KAZN: variants seen among roughly 807,000 people sequenced by gnomAD.
KAZN encodes the protein kazrin, periplakin interacting protein, also known as kazrin.
A neutral mutation model predicts 87.4 loss-of-function variants in KAZN; 40 were observed. The ratio of observed to expected loss-of-function variants is 0.46; its 90% CI spans 0.36 to 0.60. The LOEUF is 0.60. KAZN is among the 20% of genes least tolerant of loss of function. The pLI is 0.00. For missense variants in KAZN, 898 were observed against 1,073.9 expected, an observed-to-expected ratio of 0.84 and a Z score of 2.29; for synonymous variants, 466 against 458.3, an observed-to-expected ratio of 1.02 and a Z score of -0.22.
intron 1 of KAZN, among the ~76,000 whole-genome samples, chr1:14,818,255 C>G (rs1158498630): frequency 6.6e-6 from 1 of 152,228 alleles, no homozygotes; most frequent in Admixed American, 6.5e-5. Flanking sequence ...TCATTCACCA[C>G]TAGGTAACCA....
chr1:14,257,777 A>G lies in KAZN; in HGVS notation c.249+77185A>G, dbSNP rs796263001. Among the ~76,000 whole-genome samples, 480 of 103,514 alleles carry G rather than the reference A, an allele frequency of 4.6e-3. 4 individuals carry two copies. Among genetic ancestry groups the G allele is most frequent in the African/African-American group, 0.018 (454 of 25,260 alleles). 67.9% of individuals were successfully genotyped at this position (103,514 alleles called of 152,430 possible). A position where few individuals can be genotyped will look rare whatever the true frequency, so the allele number is the denominator to read the frequency against. ...ATGGACACAGGAAGGGGAATATCAC[A>G]CTCTGGGGACTGTGGTGGGGTCGGG... On this transcript the variant is annotated intron_variant, in intron 2 of 16. Transcript: ENST00000636203.
intron 1 of KAZN, among the ~76,000 whole-genome samples, chr1:14,074,466 C>T (rs1643367879): frequency 6.6e-6 from 1 of 152,204 alleles, no homozygotes; most frequent in Non-Finnish European, 1.5e-5. Context: ...GGACCCTCTC[C>T]TGGGGATGGA....
rs558042303 is a variant in KAZN at position 14,648,839 on chromosome 1, T to C, written c.226+49616T>C. Among the ~76,000 whole-genome samples, 7 of 152,338 alleles carry C rather than the reference T, an allele frequency of 4.6e-5. No homozygotes were observed. In the South Asian group the frequency reaches 1.4e-3, roughly 32 times the overall value. On this transcript the variant is annotated intron_variant, in intron 1 of 14. Transcript: ENST00000376030. ...GAACCAGCCCCTCCCCTGGGTGAGC[T>C]GCAAATGGCTATGGTCACTGGAGTC... is the stretch of plus-strand genomic sequence containing the variant.
intron 2 of KAZN, among the ~76,000 whole-genome samples, chr1:14,260,695 A>AT (rs572637142): frequency 2.0e-5 from 3 of 152,300 alleles, no homozygotes; most frequent in East Asian, 3.9e-4. Context: ...AGCTGTGCAC[A>AT]TTCCCACATC....
At chr1:14,232,549 T>C (rs192373016) in intron 2 of KAZN, among the ~76,000 whole-genome samples, 16 of 152,260 alleles carry the variant, frequency 1.1e-4, no homozygotes, top group Non-Finnish European at 2.4e-4. Flanking sequence ...ATTCTCACTT[T>C]GCCTTCTCTT....
intron 1 of KAZN, among the ~76,000 whole-genome samples, chr1:14,110,269 T>A (rs897720915): frequency 6.6e-6 from 1 of 151,590 alleles, no homozygotes; most frequent in South Asian, 2.1e-4. Context: ...GTTCCAAGGA[T>A]GCTTAAAGCC....
At chr1:14,602,512 A>G (rs1484996039) in intron 1 of KAZN, among the ~76,000 whole-genome samples, 3 of 152,206 alleles carry the variant, frequency 2.0e-5, no homozygotes, top group Non-Finnish European at 4.4e-5. Flanking sequence ...ATTTGTTCCA[A>G]TTCATCTTGT....
intron 2 of KAZN, among the ~76,000 whole-genome samples, chr1:14,371,365 A>G (rs1184598556): frequency 1.3e-5 from 2 of 152,188 alleles, no homozygotes; most frequent in African/African-American, 2.4e-5. Flanking sequence ...CCCCTCTTGC[A>G]AAAGTATTTC....
At chr1:14,445,932 C>T (rs947013528) in intron 2 of KAZN, among the ~76,000 whole-genome samples, 5 of 151,724 alleles carry the variant, frequency 3.3e-5, no homozygotes, top group Non-Finnish European at 5.9e-5. Flanking sequence ...CACAGTGGCT[C>T]AAGCCTGTAA....
rs771393430 is a variant in KAZN at position 14,718,576 on chromosome 1, C to T, written c.226+119353C>T. 1.3e-4 allele frequency among the ~76,000 whole-genome samples: 20 copies of T among 152,304 alleles called. 1 individual carries two copies. The highest frequency in any genetic ancestry group is 1.1e-3 in the Admixed American group (17 of 15,298). Reference sequence around the variant, plus strand: ...GATTCTCCTTTTTATGTGTCCCTAACATTTAGTTTGCTTTTGGTGCAGCCG... The same window carrying T: ...GATTCTCCTTTTTATGTGTCCCTAATATTTAGTTTGCTTTTGGTGCAGCCG... On this transcript the variant is annotated intron_variant, in intron 1 of 14. Coordinates refer to ENST00000376030, the MANE Select transcript of KAZN (RefSeq NM_201628.3).
chr1:15,109,949 A>T (rs202086872), intron 13 of KAZN, among the ~76,000 whole-genome samples: 90 of 20,208 alleles, frequency 4.5e-3, no homozygotes, highest in African/African-American at 0.014. Flanking sequence ...GTGTTTGTGT[A>T]TGTGTTTGTA....
intron 2 of KAZN, among the ~76,000 whole-genome samples, chr1:14,364,499 G>T (rs1659800403): frequency 6.6e-6 from 1 of 152,126 alleles, no homozygotes; most frequent in Non-Finnish European, 1.5e-5. Context: ...AATGATGCTG[G>T]CCTAATAGAG....
intron 1 of KAZN, among the ~76,000 whole-genome samples, chr1:14,938,785 C>T (rs182072244): frequency 1.8e-4 from 28 of 152,238 alleles, no homozygotes; most frequent in African/African-American, 5.3e-4. Flanking sequence ...TGGAGACTCT[C>T]GGGCAAGCTG....
chr1:14,160,447 G>C (rs1473767449), intron 1 of KAZN, among the ~76,000 whole-genome samples: 1 of 152,212 alleles, frequency 6.6e-6, no homozygotes, highest in Non-Finnish European at 1.5e-5. Context: ...AGGGAGGAGG[G>C]TGAGGGGCTG....
At chr1:15,047,322 G>C (rs747038524) in intron 4 of KAZN, among the ~76,000 whole-genome samples, 1 of 151,574 alleles carries the variant, frequency 6.6e-6, no homozygotes, top group Non-Finnish European at 1.5e-5. Context: ...CTGCACAGCT[G>C]ACCCTTCCTC....
intron 2 of KAZN, among the ~76,000 whole-genome samples, chr1:14,561,903 CA>C (rs35705563): frequency 3.9e-4 from 56 of 142,986 alleles, no homozygotes; most frequent in South Asian, 6.7e-4. Context: ...AACTCCATCT[CA>C]AAAAAAAAAA....
intron 2 of KAZN, among the ~76,000 whole-genome samples, chr1:14,356,934 TTA>T (rs1173977790): frequency 1.3e-5 from 2 of 152,134 alleles, no homozygotes; most frequent in Non-Finnish European, 2.9e-5. Flanking sequence ...CATATGAAAT[TTA>T]GAGTAGTTTT....
chr1:14,240,084 G>A (rs920384959), intron 2 of KAZN, among the ~76,000 whole-genome samples: 32 of 152,316 alleles, frequency 2.1e-4, no homozygotes, highest in Non-Finnish European at 1.3e-4. Flanking sequence ...CAGAGCCTTA[G>A]CTTGATGAAA....
rs557566756 is a variant in KAZN at position 15,020,735 on chromosome 1, T to G, written c.419-14014T>G. Among the ~76,000 whole-genome samples, 4 of 152,328 alleles carry G rather than the reference T, an allele frequency of 2.6e-5. No homozygotes were observed. The East Asian group carries it at 7.7e-4, about 29-fold the overall frequency. On this transcript the variant is annotated intron_variant, in intron 2 of 14. Coordinates refer to ENST00000376030, the MANE Select transcript of KAZN (RefSeq NM_201628.3). The stretch of plus-strand genomic sequence containing the variant: ...TTACAAATAGGGCCGCTGTGAACTT[T>G]TTCGTGCAGGTGAACGCACAGATGC...
Sources: allele counts gnomAD v4.1 joint callset (sites outside exome capture counted in the v4.1 genomes callset), GRCh38; gene constraint gnomAD v4.1.1; transcripts MANE v1.5; gene names NCBI Gene and HGNC (gene_info 2026-07-23, HGNC 2026-07-21).